The following TRIM24 variants were observed in gnomAD, a reference collection of about 807,000 sequenced individuals.
TRIM24 encodes tripartite motif containing 24.
In TRIM24, 29 loss-of-function variants were observed where a neutral mutation model predicts 123.9. The ratio of observed to expected loss-of-function variants is 0.23; its 90% CI spans 0.17 to 0.32. The LOEUF (loss-of-function observed/expected upper bound fraction) is 0.32. Among genes scored for constraint, TRIM24 ranks in the 10% least tolerant of loss-of-function variants. TRIM24 has a pLI of 1.00. For synonymous variants in TRIM24, 456 were observed against 461.1 expected, an observed-to-expected ratio of 0.99 and a Z score of 0.14; for missense variants, 932 against 1,295.3, an observed-to-expected ratio of 0.72 and a Z score of 4.31.
rs948632532 is a variant in TRIM24 at position 138,563,238 on chromosome 7, G to A, written c.1531-4243G>A. 7.9e-5 allele frequency among the ~76,000 whole-genome samples: 12 copies of A among 152,276 alleles called. No homozygotes were observed. In the East Asian group the frequency reaches 9.7e-4, roughly 12 times the overall value. Reference sequence around the variant, plus strand: ...CAGTCCCTGCCACCCCGATCAGGTCGGTATCTGGTTCCTTCAGGGTGCAGC... The same window carrying A: ...CAGTCCCTGCCACCCCGATCAGGTCAGTATCTGGTTCCTTCAGGGTGCAGC... On this transcript the variant is annotated intron_variant, in intron 9 of 18. Transcript: ENST00000343526.
rs1797560769 is a variant in TRIM24 at position 138,567,564 on chromosome 7, G to A, written c.1614G>A (p.Leu538=). ...GPVLPPHPQQ[L]RYPPNQNIPR... ...TTCTTCCTCCTCATCCTCAACAACTGAGATATCCACCAAACCAGAACATAC... is the reference window on the plus strand; with the variant it reads ...TTCTTCCTCCTCATCCTCAACAACTAAGATATCCACCAAACCAGAACATAC... The change falls in exon 10 of 19, where the codon CTG becomes CTA. Residue 538 remains leucine, a synonymous_variant. Coordinates refer to ENST00000343526, the MANE Select transcript of TRIM24 (RefSeq NM_015905.3). 1 of 1,613,776 alleles carries A rather than the reference G, an allele frequency of 6.2e-7. No individual in the cohort carries two copies. Among genetic ancestry groups the A allele is most frequent in the South Asian group, 1.1e-5 (1 of 91,068 alleles).
At chr7:138,548,430 A>C (rs1295331846) in intron 7 of TRIM24, among the ~76,000 whole-genome samples, 1 of 151,750 alleles carries the variant, frequency 6.6e-6, no homozygotes, top group Admixed American at 6.6e-5. Flanking sequence ...AAAAAAAAAA[A>C]CAGTATACCT....
intron 2 of TRIM24, chr7:138,514,497 C>A (rs1043351063): frequency 1.3e-5 from 2 of 152,200 alleles, no homozygotes; most frequent in African/African-American, 4.8e-5. Context: ...GTCATACTTA[C>A]CTTCGTTCAG....
At chr7:138,504,444 GCTCTTTTTTTTTTTTT>G in intron 2 of TRIM24, 36 bp downstream of exon 2, 3 of 623,878 alleles carry the variant, frequency 4.8e-6, no homozygotes, top group Non-Finnish European at 7.4e-6. Context: ...TTGCCTGCCA[GCTCTTTTTTTTTTTTT>G]TTTTTTTTTT....
Position 138,589,612 on chromosome 7 carries a change from G to A in TRIM24, c.*4661G>A, listed in dbSNP as rs1218134523. 6.6e-6 allele frequency: 1 copy of A among 152,128 alleles called. No individual in the cohort carries two copies. The highest frequency in any genetic ancestry group is 1.9e-4 in the East Asian group (1 of 5,188). 9.4% of individuals were successfully genotyped at this position (152,128 alleles called of 1,614,324 possible). A position where few individuals can be genotyped will look rare whatever the true frequency, so the allele number is the denominator to read the frequency against. On this transcript the variant is annotated 3_prime_UTR_variant, in exon 19 of 19. Coordinates refer to ENST00000343526, the MANE Select transcript of TRIM24 (RefSeq NM_015905.3). The stretch of plus-strand genomic sequence containing the variant: ...GATTTAAAAAAAAATCTGACAGGAA[G>A]GAAAGCGGGTGGTAAGTATCTTGGA...
intron 12 of TRIM24, among the ~76,000 whole-genome samples, chr7:138,574,783 G>C (rs952755030): frequency 3.3e-5 from 5 of 152,136 alleles, no homozygotes; most frequent in Admixed American, 6.5e-5. Flanking sequence ...ATATTGTACT[G>C]TGGGCAAAGT....
intron 9 of TRIM24, 123 bp from the exon 10 acceptor site, chr7:138,567,358 C>A: frequency 3.5e-6 from 3 of 859,218 alleles, no homozygotes; most frequent in Non-Finnish European, 5.0e-6. Context: ...TTATGTAAAT[C>A]TTAATAATTG....
chr7:138,553,668 T>TTA (rs768724821), intron 8 of TRIM24, among the ~76,000 whole-genome samples: 8 of 152,194 alleles, frequency 5.3e-5, no homozygotes, highest in Non-Finnish European at 1.2e-4. Flanking sequence ...AACTTGTTAA[T>TTA]AGTAAAGATT....
At chr7:138,500,563 CAAAAAAAAAAAA>C (rs773042715) in intron 1 of TRIM24, among the ~76,000 whole-genome samples, 2 of 61,414 alleles carry the variant, frequency 3.3e-5, no homozygotes, top group East Asian at 1.1e-3. Context: ...GACCTTGTTT[CAAAAAAAAAAAA>C]AAAAAAAAAG....
chr7:138,559,292 G>A (rs1797377627), intron 9 of TRIM24, among the ~76,000 whole-genome samples: 2 of 152,106 alleles, frequency 1.3e-5, no homozygotes, highest in South Asian at 4.1e-4. Context: ...TGTATGCAGT[G>A]GGGGCACCCT....
At chr7:138,466,479 T>C (rs1795142952) in intron 1 of TRIM24, among the ~76,000 whole-genome samples, 1 of 142,392 alleles carries the variant, frequency 7.0e-6, no homozygotes, top group South Asian at 2.2e-4. Context: ...TTTTTTTTTT[T>C]TTGGAGACAG....
chr7:138,533,448 C>A (rs1182097081), intron 6 of TRIM24, among the ~76,000 whole-genome samples: 1 of 152,140 alleles, frequency 6.6e-6, no homozygotes, highest in Non-Finnish European at 1.5e-5. Context: ...TTGTCAAAGG[C>A]CTTTCCTGCA....
rs532003420 is a variant in TRIM24, at chr7:138,518,618, T to C, written c.632-571T>C. On this transcript the variant is annotated intron_variant, in intron 3 of 18. Coordinates refer to ENST00000343526, the MANE Select transcript of TRIM24 (RefSeq NM_015905.3). Reference sequence around the variant, plus strand: ...TTATTTGACTACTCCTTTTAGGCATTTTTATTATATTTTCTTTCTTCCTCC... The same window carrying C: ...TTATTTGACTACTCCTTTTAGGCATCTTTATTATATTTTCTTTCTTCCTCC... Among the ~76,000 whole-genome samples the C allele has an allele frequency of 3.3e-5, 5 of 152,276 alleles. No homozygotes were observed. The East Asian group carries it at 9.6e-4, about 29-fold the overall frequency.
Position 138,584,887 on chromosome 7 carries a change from A to T in TRIM24, c.3089A>T (p.Asp1030Val). 1 of 1,613,886 alleles carries T rather than the reference A, an allele frequency of 6.2e-7. No individual in the cohort carries two copies. Among genetic ancestry groups the T allele is most frequent in the Non-Finnish European group, 8.5e-7 (1 of 1,179,876 alleles). ...AATAAATTTAGTGATGATTCAGATG[A>T]TGACTTTGTACAGCCCCGGAAGAAA... ...EDNKFSDDSDDDFVQPRKKRL... is the reference protein window; with the variant it reads ...EDNKFSDDSDVDFVQPRKKRL... The change falls in exon 19 of 19, where the codon GAT becomes GTT. Residue 1030 changes from aspartate (D) to valine (V), a missense_variant. Coordinates refer to ENST00000343526, the MANE Select transcript of TRIM24 (RefSeq NM_015905.3).
chr7:138,567,988 T>C (rs1797570129), intron 10 of TRIM24, among the ~76,000 whole-genome samples: 1 of 152,180 alleles, frequency 6.6e-6, no homozygotes, highest in South Asian at 2.1e-4. Context: ...GAACAATAAA[T>C]GAATCTTTGA....
chr7:138,577,284 A>G, intron 13 of TRIM24, 136 bp from the exon 14 acceptor site: 1 of 580,466 alleles, frequency 1.7e-6, no homozygotes, highest in South Asian at 4.6e-5. Flanking sequence ...TTCATTTGTT[A>G]TGCATCATTA....
At chr7:138,468,654 T>C (rs1031604270) in intron 1 of TRIM24, among the ~76,000 whole-genome samples, 3 of 152,216 alleles carry the variant, frequency 2.0e-5, no homozygotes, top group African/African-American at 4.8e-5. Context: ...GACATCTTTT[T>C]ATTTGTTTTC....
chr7:138,512,045 T>G (rs1042673039), intron 2 of TRIM24, among the ~76,000 whole-genome samples: 2 of 152,224 alleles, frequency 1.3e-5, no homozygotes, highest in African/African-American at 4.8e-5. Context: ...GCAGGCCTTG[T>G]GCAAGTCCAA....
At chr7:138,545,115 G>A (rs183905056) in intron 7 of TRIM24, among the ~76,000 whole-genome samples, 233 of 152,218 alleles carry the variant, frequency 1.5e-3, no homozygotes, top group Admixed American at 2.8e-3. Context: ...GACTTGGACC[G>A]TATCCCCAAG....
Sources: gnomAD v4.1 joint callset for allele counts (sites outside exome capture counted in the v4.1 genomes callset) on GRCh38, gnomAD v4.1.1 for gene constraint, MANE v1.5 for transcripts, NCBI Gene and HGNC (gene_info 2026-07-23, HGNC 2026-07-21) for gene names.